MGAT5: variants seen among roughly 807,000 people sequenced by gnomAD.
MGAT5 encodes alpha-1,6-mannosylglycoprotein 6-beta-N-acetylglucosaminyltransferase.
Under a neutral mutation model 94.3 loss-of-function variants are expected in MGAT5, and 30 were observed. The observed-to-expected ratio is 0.32, with a 90% CI of 0.24 to 0.43. MGAT5 has a LOEUF of 0.43. MGAT5 is among the 20% of genes least tolerant of loss of function. The pLI is 1.00. For missense variants in MGAT5, 691 were observed against 905.5 expected, an observed-to-expected ratio of 0.76 and a Z score of 3.04; for synonymous variants, 310 against 322.9, an observed-to-expected ratio of 0.96 and a Z score of 0.43.
chr2:134,121,354 G>A (rs1047553754), intron 1 of MGAT5, among the ~76,000 whole-genome samples: 1 of 152,254 alleles, frequency 6.6e-6, no homozygotes. Context: ...GTGCAAGGGG[G>A]TGTGTGAGCC....
intron 10 of MGAT5, among the ~76,000 whole-genome samples, chr2:134,375,546 A>G (rs1681114295): frequency 6.6e-6 from 1 of 152,242 alleles, no homozygotes; most frequent in Non-Finnish European, 1.5e-5. Context: ...GTTGGTTTTC[A>G]GTTTTCACTG....
At chr2:134,303,220 C>T (rs541868042) in intron 2 of MGAT5, among the ~76,000 whole-genome samples, 1 of 152,202 alleles carries the variant, frequency 6.6e-6, no homozygotes, top group African/African-American at 2.4e-5. Context: ...TGTCTTTAAT[C>T]TTATTTATAA....
chr2:134,345,911 A>G (rs551423335), intron 8 of MGAT5, among the ~76,000 whole-genome samples: 1 of 152,256 alleles, frequency 6.6e-6, no homozygotes, highest in Non-Finnish European at 1.5e-5. Context: ...ATGGCAGTCA[A>G]TACTGGGTTT....
chr2:134,215,119 A>G (rs889050413), intron 1 of MGAT5, among the ~76,000 whole-genome samples: 2 of 152,260 alleles, frequency 1.3e-5, no homozygotes, highest in Admixed American at 1.3e-4. Flanking sequence ...ATTGCTGTAT[A>G]GTATTCCATT....
At chr2:134,441,939 G>T in intron 15 of MGAT5, 24 bp downstream of exon 15, 1 of 1,607,882 alleles carries the variant, frequency 6.2e-7, no homozygotes. Flanking sequence ...GGTGGGGGTG[G>T]GGACTCAGCC....
At chr2:134,439,100 CTA>C (rs1685328852) in intron 14 of MGAT5, among the ~76,000 whole-genome samples, 1 of 152,156 alleles carries the variant, frequency 6.6e-6, no homozygotes, top group Non-Finnish European at 1.5e-5. Context: ...TAAGGAGACT[CTA>C]AGAGAAGCTA....
In MGAT5 at chr2:134,361,886, C is replaced by G. The variant is rs143535360; in HGVS notation, c.1247-389C>G. Among the ~76,000 whole-genome samples the G allele has an allele frequency of 5.5e-3, 841 of 152,292 alleles. 8 individuals are homozygous for G. The highest frequency in any genetic ancestry group is 0.019 in the African/African-American group (776 of 41,560). On this transcript the variant is annotated intron_variant, in intron 9 of 15. Transcript: ENST00000281923. ...GGGACTCTGCGCCTATTCAGAACTCCCAGTCAGCCCTGCCCCCTACAGATT... is the reference window on the plus strand; with the variant it reads ...GGGACTCTGCGCCTATTCAGAACTCGCAGTCAGCCCTGCCCCCTACAGATT...
chr2:134,280,794 A>G (rs1195411503), intron 2 of MGAT5, among the ~76,000 whole-genome samples: 1 of 152,256 alleles, frequency 6.6e-6, no homozygotes, highest in East Asian at 1.9e-4. Context: ...AACACATGGA[A>G]CACACTCAAG....
intron 2 of MGAT5, among the ~76,000 whole-genome samples, chr2:134,289,733 G>A (rs891044939): frequency 6.6e-6 from 1 of 152,168 alleles, no homozygotes; most frequent in African/African-American, 2.4e-5. Flanking sequence ...GCACATGTTA[G>A]GTACAGTGAC....
chr2:134,321,389 A>G lies in MGAT5; in HGVS notation c.573+2650A>G, dbSNP rs532033078. On this transcript the variant is annotated intron_variant, in intron 4 of 15. Transcript: ENST00000281923. Reference sequence around the variant, plus strand: ...GAGGCAGAGGATTTTACATTCCCATACTTACATCTCCTTGGAAGGCATGGA... The same window carrying G: ...GAGGCAGAGGATTTTACATTCCCATGCTTACATCTCCTTGGAAGGCATGGA... Among the ~76,000 whole-genome samples, 8 of 152,274 alleles carry G rather than the reference A, an allele frequency of 5.3e-5. No individual in the cohort carries two copies. In the South Asian group the frequency reaches 1.7e-3, roughly 32 times the overall value.
intron 1 of MGAT5, among the ~76,000 whole-genome samples, chr2:134,256,793 CAAAG>C (rs1183532154): frequency 6.6e-6 from 1 of 152,162 alleles, no homozygotes; most frequent in Non-Finnish European, 1.5e-5. Flanking sequence ...TCAAAAACAA[CAAAG>C]AAACAATCAA....
chr2:134,192,744 A>C (rs1333995492), intron 1 of MGAT5, among the ~76,000 whole-genome samples: 1 of 152,104 alleles, frequency 6.6e-6, no homozygotes, highest in East Asian at 1.9e-4. Context: ...CTGTGGGATT[A>C]TTTAAGTAAA....
intron 1 of MGAT5, among the ~76,000 whole-genome samples, chr2:134,259,560 A>G (rs1314630326): frequency 2.0e-5 from 3 of 152,176 alleles, no homozygotes; most frequent in Non-Finnish European, 4.4e-5. Context: ...CTGCCAGCTC[A>G]GGCTCAAGCA....
At chr2:134,158,979 T>A (rs1005911154) in intron 1 of MGAT5, among the ~76,000 whole-genome samples, 1 of 152,180 alleles carries the variant, frequency 6.6e-6, no homozygotes, top group African/African-American at 2.4e-5. Flanking sequence ...ATTCTAAATA[T>A]GAAGAAAAGA....
intron 1 of MGAT5, among the ~76,000 whole-genome samples, chr2:134,191,505 C>CT (rs960077365): frequency 3.4e-5 from 5 of 148,878 alleles, no homozygotes; most frequent in Non-Finnish European, 7.4e-5. Flanking sequence ...TTCGCGCCGT[C>CT]TTTCGCCTCC....
chr2:134,217,603 A>G (rs1680565562), intron 1 of MGAT5, among the ~76,000 whole-genome samples: 1 of 152,218 alleles, frequency 6.6e-6, no homozygotes, highest in Admixed American at 6.5e-5. Context: ...TCATTTAAGA[A>G]GTATGATTGA....
At chr2:134,145,214 C>CTGTGTGTGTGTGTGTGTGTGTGTGTGTG (rs59065013) in intron 1 of MGAT5, among the ~76,000 whole-genome samples, 3 of 143,762 alleles carry the variant, frequency 2.1e-5, no homozygotes, top group African/African-American at 7.8e-5. Flanking sequence ...GTCTCTCTCT[C>CTGTGTGTGTGTGTGTGTGTGTGTGTGTG]TGTGTGTGTG....
At chr2:134,200,803 G>A (rs1201009416) in intron 1 of MGAT5, among the ~76,000 whole-genome samples, 2 of 152,134 alleles carry the variant, frequency 1.3e-5, no homozygotes, top group African/African-American at 4.8e-5. Context: ...AGGATCACTT[G>A]AGGACAGGCA....
At chr2:134,306,060 TTTTG>T (rs1686309288) in intron 2 of MGAT5, among the ~76,000 whole-genome samples, 1 of 152,160 alleles carries the variant, frequency 6.6e-6, no homozygotes, top group Admixed American at 6.6e-5. Flanking sequence ...CTGTATAACT[TTTTG>T]TTTGTTTTGA....
Sources: allele counts gnomAD v4.1 joint callset (sites outside exome capture counted in the v4.1 genomes callset), GRCh38; gene constraint gnomAD v4.1.1; transcripts MANE v1.5; gene names NCBI Gene and HGNC (gene_info 2026-07-23, HGNC 2026-07-21).